DPP6: variants seen among roughly 807,000 people sequenced by gnomAD.
The protein encoded by DPP6 is dipeptidyl peptidase like 6.
A neutral mutation model predicts 122.6 loss-of-function variants in DPP6; 69 were observed. The observed-to-expected ratio is 0.56, with a 90% CI of 0.46 to 0.69. The LOEUF (loss-of-function observed/expected upper bound fraction) is 0.69, where lower values mean the gene tolerates loss of function less well. DPP6 is among the 30% of genes least tolerant of loss of function. DPP6 has a pLI of 0.00. For synonymous variants in DPP6, 418 were observed against 433.1 expected (o/e 0.97, Z 0.43); for missense variants, 928 against 1,116.9 (o/e 0.83, Z 2.41).
At chr7:153,761,475 C>T in the DPP6 span, among the ~76,000 whole-genome samples, 4 of 152,190 alleles carry the variant, frequency 2.6e-5, no homozygotes, top group Admixed American at 2.6e-4. Flanking sequence ...AGCTTGTCAA[C>T]AATTTGACAT....
At chr7:154,059,021 A>G (rs1432738575) in intron 1 of DPP6, 1 of 134,626 alleles carries the variant, frequency 7.4e-6, no homozygotes, top group Admixed American at 7.5e-5. Context: ...TAGGACCCCC[A>G]TCGCAGAGGG....
the DPP6 span, among the ~76,000 whole-genome samples, chr7:153,843,729 A>C: frequency 1.3e-5 from 2 of 152,208 alleles, no homozygotes; most frequent in Non-Finnish European, 2.9e-5. Flanking sequence ...TAGTGTGTGC[A>C]TTAGCAATTT....
At chr7:154,613,323 A>T (rs1834023036) in intron 5 of DPP6, among the ~76,000 whole-genome samples, 4 of 152,136 alleles carry the variant, frequency 2.6e-5, no homozygotes, top group Admixed American at 2.6e-4. Context: ...TGTAAACCTT[A>T]TTTAACAGAT....
At chr7:154,465,978 C>T (rs1434651425) in intron 2 of DPP6, among the ~76,000 whole-genome samples, 3 of 152,096 alleles carry the variant, frequency 2.0e-5, no homozygotes, top group Non-Finnish European at 4.4e-5. Context: ...CAATGTTAGA[C>T]TGGATAAAAA....
intron 1 of DPP6, among the ~76,000 whole-genome samples, chr7:153,981,849 T>C (rs1289233800): frequency 6.6e-6 from 1 of 152,122 alleles, no homozygotes. Context: ...TTTTTTTTTT[T>C]TAAGAATGTT....
rs775056692 is a variant in DPP6 at position 154,803,954 on chromosome 7, A to T, written c.1498A>T (p.Ile500Phe). The T allele has an allele frequency of 6.8e-6, 11 of 1,613,530 alleles. No homozygotes were observed. Among genetic ancestry groups the T allele is most frequent in the Non-Finnish European group, 7.6e-6 (9 of 1,179,704 alleles). ...ILAYDEKGNKIYFLSTEDLPR... is the reference protein window; with the variant it reads ...ILAYDEKGNKFYFLSTEDLPR... ...AGCCTACGATGAGAAGGGGAATAAG[A>T]TGTGAGTGAGAACCAGGGGCCTGCC... Residue 500 changes from isoleucine to phenylalanine, a missense_variant and splice_region_variant, in exon 14 of 26, where the codon ATC (isoleucine) becomes TTC (phenylalanine). Coordinates refer to ENST00000377770, the MANE Select transcript of DPP6 (RefSeq NM_130797.4).
At chr7:154,630,132 G>C (rs1454861011) in intron 5 of DPP6, among the ~76,000 whole-genome samples, 1 of 152,234 alleles carries the variant, frequency 6.6e-6, no homozygotes, top group African/African-American at 2.4e-5. Context: ...AACAGGCTCA[G>C]ATGACCTCTG....
rs550443465 is a variant in DPP6, at chr7:154,689,712, A to G, written c.762+20271A>G. ...AAACTATGCAACTATAAAGCCATATATAATTTACCAATTCACTTCAACAAA... is the reference window on the plus strand; with the variant it reads ...AAACTATGCAACTATAAAGCCATATGTAATTTACCAATTCACTTCAACAAA... On this transcript the variant is annotated intron_variant, in intron 7 of 25. Transcript: ENST00000377770. Among the ~76,000 whole-genome samples the G allele has an allele frequency of 2.6e-5, 4 of 152,362 alleles. No individual in the cohort carries two copies. The East Asian group carries it at 5.8e-4, about 22-fold the overall frequency.
intron 1 of DPP6, among the ~76,000 whole-genome samples, chr7:153,947,396 G>A (rs1801996891): frequency 6.6e-6 from 1 of 152,044 alleles, no homozygotes; most frequent in South Asian, 2.1e-4. Context: ...CTGTCTTTGT[G>A]TTCACCCAGC....
At chr7:154,752,881 G>T (rs1307974425) in intron 8 of DPP6, among the ~76,000 whole-genome samples, 1 of 152,164 alleles carries the variant, frequency 6.6e-6, no homozygotes, top group Non-Finnish European at 1.5e-5. Flanking sequence ...ATGGTGGACG[G>T]GTGTGGCTCT....
At chr7:154,137,941 A>G (rs181579842) in intron 1 of DPP6, among the ~76,000 whole-genome samples, 2 of 152,124 alleles carry the variant, frequency 1.3e-5, no homozygotes, top group Non-Finnish European at 2.9e-5. Context: ...GAATACACTG[A>G]TGTTCTGGTG....
intron 7 of DPP6, among the ~76,000 whole-genome samples, chr7:154,718,295 T>C (rs1353803638): frequency 3.1e-5 from 3 of 96,342 alleles, no homozygotes; most frequent in African/African-American, 1.0e-4. Flanking sequence ...TGCCTGTGCC[T>C]TTGAGTTCTT....
At chr7:153,980,723 TC>T (rs1364084237) in intron 1 of DPP6, among the ~76,000 whole-genome samples, 1 of 152,230 alleles carries the variant, frequency 6.6e-6, no homozygotes, top group African/African-American at 2.4e-5. Flanking sequence ...TTTAGCTTTG[TC>T]CCAGGGATTC....
chr7:154,071,025 A>C (rs376730830), intron 1 of DPP6, among the ~76,000 whole-genome samples: 1 of 152,182 alleles, frequency 6.6e-6, no homozygotes, highest in Non-Finnish European at 1.5e-5. Context: ...ATGTATGTGC[A>C]TGCATGCTAT....
At chr7:154,458,618 A>G (rs371114733) in intron 2 of DPP6, among the ~76,000 whole-genome samples, 1 of 152,198 alleles carries the variant, frequency 6.6e-6, no homozygotes, top group Non-Finnish European at 1.5e-5. Context: ...GAAGCCATCA[A>G]GTTTGTGGTC....
At chr7:154,889,583 T>A (rs986493882) in intron 25 of DPP6, 53 bp downstream of exon 25, 16 of 1,567,178 alleles carry the variant, frequency 1.0e-5, no homozygotes, top group Admixed American at 1.9e-5. Flanking sequence ...ATTCCTTTCA[T>A]GGAGAAAGAC....
At chr7:154,817,451 A>G (rs1253603491) in intron 16 of DPP6, among the ~76,000 whole-genome samples, 4 of 152,182 alleles carry the variant, frequency 2.6e-5, no homozygotes, top group African/African-American at 7.2e-5. Context: ...GATGTCATGA[A>G]CATCATGAGT....
chr7:154,830,984 C>T lies in DPP6; in HGVS notation c.1667-22796C>T, dbSNP rs557047205. Reference sequence around the variant, plus strand: ...GCATGGCTGTAGTTGTGAACCTTCTCCAGGATTCTCTACCACGGACTCTGT... The same window carrying T: ...GCATGGCTGTAGTTGTGAACCTTCTTCAGGATTCTCTACCACGGACTCTGT... On this transcript the variant is annotated intron_variant, in intron 16 of 25. Transcript: ENST00000377770. Among the ~76,000 whole-genome samples, 20 of 152,348 alleles carry T rather than the reference C, an allele frequency of 1.3e-4. No individual in the cohort carries two copies. The South Asian group carries it at 2.9e-3, about 22-fold the overall frequency.
At chr7:154,556,671 A>G (rs1679150245) in intron 4 of DPP6, among the ~76,000 whole-genome samples, 1 of 152,166 alleles carries the variant, frequency 6.6e-6, no homozygotes, top group African/African-American at 2.4e-5. Flanking sequence ...AATTTGCCAT[A>G]TATGATTTTA....
Sources: allele counts gnomAD v4.1 joint callset (sites outside exome capture counted in the v4.1 genomes callset), GRCh38; gene constraint gnomAD v4.1.1; transcripts MANE v1.5; gene names NCBI Gene and HGNC (gene_info 2026-07-23, HGNC 2026-07-21).